SEMA3D: variants seen among roughly 807,000 people sequenced by gnomAD.
The protein encoded by SEMA3D is semaphorin-3D.
In SEMA3D, 84 loss-of-function variants were observed where a neutral mutation model predicts 100.1. The observed-to-expected ratio is 0.84, with a 90% CI of 0.70 to 1.01. SEMA3D has a LOEUF of 1.01. SEMA3D is among the 50% of genes least tolerant of loss of function. The pLI, the probability that SEMA3D is intolerant of heterozygous loss-of-function variation, is 0.00. For synonymous variants in SEMA3D, 312 were observed against 320.7 expected, an observed-to-expected ratio of 0.97 and a Z score of 0.29; for missense variants, 875 against 934.1, an observed-to-expected ratio of 0.94 and a Z score of 0.82.
At chr7:85,151,153 C>T (rs1790371563) in intron 2 of SEMA3D, among the ~76,000 whole-genome samples, 1 of 151,700 alleles carries the variant, frequency 6.6e-6, no homozygotes, top group Non-Finnish European at 1.5e-5. Flanking sequence ...TCTGATATTA[C>T]TGAGACTGAA....
intron 8 of SEMA3D, among the ~76,000 whole-genome samples, chr7:85,058,354 A>C (rs2116098424): frequency 6.6e-6 from 1 of 152,256 alleles, no homozygotes; most frequent in Non-Finnish European, 1.5e-5. Flanking sequence ...TCAAATTGTT[A>C]GTAAATCACG....
chr7:85,121,486 C>A, intron 3 of SEMA3D, among the ~76,000 whole-genome samples: 1 of 152,144 alleles, frequency 6.6e-6, no homozygotes, highest in South Asian at 2.1e-4. Flanking sequence ...TGTTTTAACA[C>A]CAAACTGTTT....
intron 9 of SEMA3D, among the ~76,000 whole-genome samples, chr7:85,045,745 A>G (rs370346510): frequency 6.6e-6 from 1 of 151,928 alleles, no homozygotes; most frequent in Admixed American, 6.6e-5. Context: ...GAGAAGATGT[A>G]TATCTGGAAT....
chr7:85,124,236 A>G (rs1326580686), intron 2 of SEMA3D, among the ~76,000 whole-genome samples: 1 of 152,020 alleles, frequency 6.6e-6, no homozygotes. Context: ...TTTAAAAGTT[A>G]GTTTCAACTT....
rs578199758 is a variant in SEMA3D, at chr7:85,049,855, A to G, written c.861+5862T>C. Among the ~76,000 whole-genome samples the G allele has an allele frequency of 5.3e-5, 8 of 151,976 alleles. No homozygotes were observed. The South Asian group carries it at 1.7e-3, about 32-fold the overall frequency. On this transcript the variant is annotated intron_variant, in intron 9 of 18. Transcript: ENST00000284136. ...GGGCCATCCAAACTGAATTCCTGGC[A>G]TGGGGAAAGGAAATACTGCAAAACA... is the stretch of plus-strand genomic sequence containing the variant.
Position 84,999,831 on chromosome 7 carries a change from TA to T in SEMA3D, c.1942del (p.Tyr648MetfsTer4). On this transcript the variant is annotated frameshift_variant, in exon 19 of 19. Coordinates refer to ENST00000284136, the MANE Select transcript of SEMA3D (RefSeq NM_001384900.1). LOFTEE classifies it high-confidence loss of function. ...KPDERIIKTE[Y>X]GLLIRSLQKK... ...CTGCAAACTTCGAATCAGTAGCCCATATTCCGTTTTGATGATTCTTTCATCG... is the reference window on the plus strand; with the variant it reads ...CTGCAAACTTCGAATCAGTAGCCCATTTCCGTTTTGATGATTCTTTCATCG... 6.2e-7 allele frequency: 1 copy of T among 1,613,844 alleles called. No individual in the cohort carries two copies. The highest frequency in any genetic ancestry group is 8.5e-7 in the Non-Finnish European group (1 of 1,179,880).
chr7:85,042,132 G>GTT (rs1393829417), intron 10 of SEMA3D, 39 bp downstream of exon 10: 20 of 1,356,212 alleles, frequency 1.5e-5, no homozygotes, highest in Non-Finnish European at 2.1e-5. Flanking sequence ...TAATTAGGCA[G>GTT]TAAGGCCTTT....
intron 18 of SEMA3D, among the ~76,000 whole-genome samples, chr7:85,002,211 T>C (rs1459000123): frequency 2.0e-5 from 3 of 152,182 alleles, no homozygotes; most frequent in Non-Finnish European, 2.9e-5. Flanking sequence ...GGTCATGATC[T>C]TTCAACTTTC....
rs375312765 is a variant in SEMA3D, at chr7:85,125,735, C to T, written c.-40-3804G>A. The stretch of plus-strand genomic sequence containing the variant: ...TAATTGAGATAATTTATGGGTTAAA[C>T]GTCTTGCCAACAACCTCCTTCCTAC... On this transcript the variant is annotated intron_variant, in intron 2 of 18. Coordinates refer to ENST00000284136, the MANE Select transcript of SEMA3D (RefSeq NM_001384900.1). Among the ~76,000 whole-genome samples, 13 of 151,966 alleles carry T rather than the reference C, an allele frequency of 8.6e-5. No individual in the cohort carries two copies. In the East Asian group the frequency reaches 2.3e-3, roughly 27 times the overall value.
intron 4 of SEMA3D, among the ~76,000 whole-genome samples, chr7:85,089,637 T>C (rs1788322999): frequency 6.6e-6 from 1 of 152,080 alleles, no homozygotes; most frequent in Admixed American, 6.6e-5. Context: ...TCCTAGCACT[T>C]TGGGATTACA....
chr7:85,004,617 G>C (rs1789743964), intron 18 of SEMA3D, among the ~76,000 whole-genome samples: 1 of 152,066 alleles, frequency 6.6e-6, no homozygotes, highest in African/African-American at 2.4e-5. Context: ...GAATAACCTG[G>C]TGACAGCCTC....
chr7:85,239,140 C>T, the SEMA3D span, among the ~76,000 whole-genome samples: 3 of 152,042 alleles, frequency 2.0e-5, no homozygotes, highest in Non-Finnish European at 4.4e-5. Context: ...TTAGGAATCA[C>T]CTGGGGATCT....
At chr7:85,166,297 C>T (rs1338761393) in intron 1 of SEMA3D, among the ~76,000 whole-genome samples, 1 of 151,826 alleles carries the variant, frequency 6.6e-6, no homozygotes, top group Non-Finnish European at 1.5e-5. Context: ...ATACAATATC[C>T]TAACTTGGTT....
intron 11 of SEMA3D, among the ~76,000 whole-genome samples, chr7:85,037,548 CAATG>C (rs1169841313): frequency 7.2e-5 from 11 of 152,114 alleles, no homozygotes; most frequent in South Asian, 2.1e-4. Flanking sequence ...TGTTTTCTTA[CAATG>C]AATGAATATC....
intron 3 of SEMA3D, among the ~76,000 whole-genome samples, chr7:85,119,441 A>G (rs1789344008): frequency 6.6e-6 from 1 of 152,200 alleles, no homozygotes; most frequent in Admixed American, 6.5e-5. Flanking sequence ...GCCATAAAAA[A>G]GAACGAGATC....
At chr7:85,044,222 A>G (rs1307744325) in intron 9 of SEMA3D, among the ~76,000 whole-genome samples, 1 of 152,040 alleles carries the variant, frequency 6.6e-6, no homozygotes. Flanking sequence ...ACTACAACAA[A>G]CAAGAGAATT....
chr7:85,071,351 G>T (rs1014102877), intron 6 of SEMA3D, among the ~76,000 whole-genome samples: 9 of 152,286 alleles, frequency 5.9e-5, no homozygotes, highest in African/African-American at 2.2e-4. Context: ...AGTCTGGGCT[G>T]GTTAGACAAG....
intron 5 of SEMA3D, among the ~76,000 whole-genome samples, chr7:85,076,704 T>C (rs1791932251): frequency 6.6e-6 from 1 of 152,232 alleles, no homozygotes; most frequent in Non-Finnish European, 1.5e-5. Context: ...AAACATTTTT[T>C]GACTTTTCAC....
At chr7:85,051,030 T>G (rs1256855460) in intron 9 of SEMA3D, among the ~76,000 whole-genome samples, 1 of 151,948 alleles carries the variant, frequency 6.6e-6, no homozygotes, top group Non-Finnish European at 1.5e-5. Flanking sequence ...ATTATTTACA[T>G]GTCAATCTCT....
Sources: gnomAD v4.1 joint callset for allele counts (sites outside exome capture counted in the v4.1 genomes callset) on GRCh38, gnomAD v4.1.1 for gene constraint, MANE v1.5 for transcripts, NCBI Gene and HGNC (gene_info 2026-07-23, HGNC 2026-07-21) for gene names.